Variants in MYOF observed in about 807,000 individuals in gnomAD.
MYOF encodes the protein myoferlin, also known as fer-1-like 3, myoferlin.
Under a neutral mutation model 284.2 loss-of-function variants are expected in MYOF, and 244 were observed. The observed-to-expected ratio is 0.86, with a 90% CI of 0.77 to 0.95. The LOEUF is 0.95. Ranked by LOEUF, MYOF falls within the 40% of genes least tolerant of loss-of-function variation. The pLI is 0.00. For synonymous variants in MYOF, 904 were observed against 919.7 expected (o/e 0.98, Z 0.31); for missense variants, 2,496 against 2,560.6 (o/e 0.97, Z 0.54).
At chr10:93,421,690 G>A (rs1488919323) in intron 5 of MYOF, among the ~76,000 whole-genome samples, 2 of 152,142 alleles carry the variant, frequency 1.3e-5, no homozygotes, top group African/African-American at 2.4e-5. Context: ...CTGATCATGT[G>A]ATGCTGGCTC....
At chr10:93,480,467 CTTTTTTTTTTTTTTTT>C (rs34363499) in intron 1 of MYOF, among the ~76,000 whole-genome samples, 2 of 71,766 alleles carry the variant, frequency 2.8e-5, no homozygotes, top group Non-Finnish European at 4.8e-5. Context: ...AATTTGCCAG[CTTTTTTTTTTTTTTTT>C]TTTTTTTTTT....
At chr10:93,329,869 A>C in intron 43 of MYOF, 35 bp from the exon 44 acceptor site, 1 of 1,610,458 alleles carries the variant, frequency 6.2e-7, no homozygotes, top group South Asian at 1.1e-5. Flanking sequence ...AATCTTCATG[A>C]TCCATCTGAG....
At chr10:93,436,239 T>G (rs1456282517) in intron 3 of MYOF, among the ~76,000 whole-genome samples, 5 of 152,186 alleles carry the variant, frequency 3.3e-5, no homozygotes, top group African/African-American at 1.2e-4. Context: ...CCTTGAGTGG[T>G]TTTACAACCT....
At chr10:93,463,692 A>G (rs1046285468) in intron 1 of MYOF, among the ~76,000 whole-genome samples, 3 of 151,598 alleles carry the variant, frequency 2.0e-5, no homozygotes, top group African/African-American at 7.3e-5. Context: ...GAGGCACCAC[A>G]CCCGGCCCAT....
chr10:93,400,778 C>T (rs375323250), intron 12 of MYOF, among the ~76,000 whole-genome samples: 1 of 151,786 alleles, frequency 6.6e-6, no homozygotes, highest in African/African-American at 2.4e-5. Context: ...CAACCAGTCT[C>T]TTGCTGAATA....
rs1283113533 is a variant in MYOF, at chr10:93,355,651, G to A, written c.3380C>T (p.Pro1127Leu). The change falls in exon 31 of 54, where the codon CCC becomes CTC. Residue 1127 changes from proline to leucine, a missense_variant. By Grantham distance (98) the Pro-to-Leu change is moderately conservative. This residue lies in a region of MYOF where 2,436 missense variants were observed against 2,480.7 expected (regional missense o/e 0.98). Coordinates refer to ENST00000359263, the MANE Select transcript of MYOF (RefSeq NM_013451.4). ...SATTVFGANT[P>L]IVSCNFDRVY... ...ACTGTCAAAATTGCAGGAAACAATG[G>A]GGGTGTTTGCTCCGAACACAGTGGT... The A allele has an allele frequency of 2.5e-6, 4 of 1,609,650 alleles. No homozygotes were observed. The highest frequency in any genetic ancestry group is 3.4e-6 in the Non-Finnish European group (4 of 1,177,090).
chr10:93,464,604 C>G (rs553652257), intron 1 of MYOF, among the ~76,000 whole-genome samples: 2 of 152,260 alleles, frequency 1.3e-5, no homozygotes, highest in South Asian at 4.1e-4. Flanking sequence ...AAATATAAGG[C>G]TGAACCCCCA....
chr10:93,400,476 A>T (rs1847228319), intron 12 of MYOF, among the ~76,000 whole-genome samples: 1 of 151,890 alleles, frequency 6.6e-6, no homozygotes, highest in Non-Finnish European at 1.5e-5. Context: ...CATTTGACAC[A>T]TTTTTGAGAG....
rs1262880151 is a variant in MYOF at position 93,313,165 on chromosome 10, G to A, written c.5744C>T (p.Ser1915Leu). 3 of 1,613,880 alleles carry A rather than the reference G, an allele frequency of 1.9e-6. No individual in the cohort carries two copies. Among genetic ancestry groups the A allele is most frequent in the African/African-American group, 2.7e-5 (2 of 74,910 alleles). ...CATGTCCAATCTGCATTTCTCTGGT[G>A]ATTTTGCAGGAATGATCGTGTGACG... ...DLRHTIIPAK[S>L]PEKCRLDMIP... The change falls in exon 51 of 54, where the codon TCA becomes TTA. Residue 1915 changes from serine to leucine, a missense_variant. Transcript: ENST00000359263.
At chr10:93,417,250 C>T (rs1848171536) in intron 5 of MYOF, among the ~76,000 whole-genome samples, 1 of 152,228 alleles carries the variant, frequency 6.6e-6, no homozygotes, top group Non-Finnish European at 1.5e-5. Context: ...ATATCAGTAA[C>T]TGCATGTGAT....
At chr10:93,429,490 G>A (rs1236045049) in intron 4 of MYOF, among the ~76,000 whole-genome samples, 1 of 152,172 alleles carries the variant, frequency 6.6e-6, no homozygotes, top group Non-Finnish European at 1.5e-5. Context: ...TTTAAAAAAA[G>A]AAGGCAGAAA....
chr10:93,350,448 G>A (rs1844453960), intron 35 of MYOF, among the ~76,000 whole-genome samples: 1 of 152,130 alleles, frequency 6.6e-6, no homozygotes, highest in African/African-American at 2.4e-5. Flanking sequence ...AAGTAGCTGG[G>A]ATTACAGGTG....
chr10:93,317,202 CA>C lies in MYOF; in HGVS notation c.5599-390del, dbSNP rs201394924. Among the ~76,000 whole-genome samples the C allele has an allele frequency of 2.2e-3, 328 of 146,960 alleles. 4 individuals are homozygous for C. The highest frequency in any genetic ancestry group is 0.015 in the East Asian group (77 of 5,058). On this transcript the variant is annotated intron_variant, in intron 49 of 53. Transcript: ENST00000359263. ...CCACCGGGGTGTCACTTCTGCTCAG[CA>C]ACTTTCTACCCACCCTCCCACCCAC...
rs1159189333 is a variant in MYOF, at chr10:93,328,825, A to T, written c.5069T>A (p.Ile1690Asn). The T allele has an allele frequency of 6.2e-7, 1 of 1,613,622 alleles. No homozygotes were observed. Residue 1690 changes from isoleucine (I) to asparagine (N), a missense_variant, in exon 45 of 54, where the codon ATC (isoleucine) becomes AAC (asparagine). Ile to Asn is a moderately radical substitution (Grantham distance 149). This residue lies in a region of MYOF where 2,436 missense variants were observed against 2,480.7 expected (regional missense o/e 0.98). Transcript: ENST00000359263. ...GATTCTACTCCCATCTTCGGAAAGG[A>T]TGGGTTGTGGGAAGCCTTTGAATCT... ...VARFKGFPQP[I>N]LSEDGSRIRY...
chr10:93,313,643 G>A (rs787669), intron 50 of MYOF, among the ~76,000 whole-genome samples: 91,324 of 151,880 alleles, frequency 0.6, 28,466 homozygotes, highest in East Asian at 0.9. Context: ...GCTCACGGCT[G>A]TAATCCTAGC....
At chr10:93,441,997 A>AACACACACACACACAC (rs34488205) in intron 3 of MYOF, among the ~76,000 whole-genome samples, 16 of 133,056 alleles carry the variant, frequency 1.2e-4, no homozygotes, top group African/African-American at 3.7e-4. Flanking sequence ...CCTCAACCTG[A>AACACACACACACACAC]ACACACACAC....
Position 93,396,198 on chromosome 10 carries a change from A to T in MYOF, c.1361T>A (p.Val454Asp). The change falls in exon 16 of 54, where the codon GTT becomes GAT. Residue 454 changes from valine (V) to aspartate (D), a missense_variant. Around this residue, in one of 3 missense-constraint regions of MYOF, gnomAD observed 2,436 missense variants for 2,480.7 expected, o/e 0.98. Transcript: ENST00000359263. ...DWDRLTKNDV[V>D]GTTYLHLSKI... ...AGAGAGGTGTAGATATGTTGTTCCAACTACATCATTTTTAGTAAGACGGTC... is the reference window on the plus strand; with the variant it reads ...AGAGAGGTGTAGATATGTTGTTCCATCTACATCATTTTTAGTAAGACGGTC... 1.2e-6 allele frequency: 2 copies of T among 1,604,388 alleles called. No individual in the cohort carries two copies. The highest frequency in any genetic ancestry group is 1.7e-6 in the Non-Finnish European group (2 of 1,175,198).
intron 1 of MYOF, among the ~76,000 whole-genome samples, chr10:93,478,846 A>AAGAAAGAAAGAC: frequency 6.6e-6 from 1 of 150,878 alleles, no homozygotes; most frequent in Non-Finnish European, 1.5e-5. Context: ...AAAAAAAAGA[A>AAGAAAGAAAGAC]AGAAAGAAAG....
intron 4 of MYOF, among the ~76,000 whole-genome samples, chr10:93,426,691 C>T (rs981817080): frequency 6.6e-6 from 1 of 152,060 alleles, no homozygotes; most frequent in Non-Finnish European, 1.5e-5. Context: ...GAGTTCGACA[C>T]CAACCTGGCC....
Sources: gnomAD v4.1 joint callset for allele counts (sites outside exome capture counted in the v4.1 genomes callset) on GRCh38, gnomAD v4.1.1 for gene constraint, gnomAD v4.1.1 regional missense constraint, MANE v1.5 for transcripts, NCBI Gene and HGNC (gene_info 2026-07-23, HGNC 2026-07-21) for gene names.